DNAAF1: variants seen among roughly 807,000 people sequenced by gnomAD.
DNAAF1 encodes the protein dynein axonemal assembly factor 1, also known as dynein assembly factor 1, axonemal.
In DNAAF1, 65 loss-of-function variants were observed where a neutral mutation model predicts 71.1. That is an observed-to-expected ratio of 0.91 (90% CI 0.75 to 1.12). The LOEUF (loss-of-function observed/expected upper bound fraction) is 1.12, where lower values mean the gene tolerates loss of function less well. DNAAF1 is among the 50% of genes most tolerant of loss of function. The pLI is 0.00. For synonymous variants in DNAAF1, 414 were observed against 354.6 expected, an observed-to-expected ratio of 1.17 and a Z score of -1.88; for missense variants, 1,178 against 899.8, an observed-to-expected ratio of 1.31 and a Z score of -3.96.
At chr16:84,154,472 G>C in intron 3 of DNAAF1, 105 bp from the exon 4 acceptor site, 1 of 971,798 alleles carries the variant, frequency 1.0e-6, no homozygotes, top group Non-Finnish European at 1.6e-6. Context: ...GAATTTTGAA[G>C]GGACACAGAC....
At chr16:84,148,986 C>G (rs2087056722) in intron 1 of DNAAF1, 21 bp from the exon 2 acceptor site, 4 of 1,613,618 alleles carry the variant, frequency 2.5e-6, no homozygotes, top group South Asian at 1.1e-5. Context: ...CTCTACAGAC[C>G]TGATCTCTTT....
At chr16:84,165,697 G>C (rs958838887) in intron 6 of DNAAF1, 86 bp from the exon 7 acceptor site, 16 of 1,344,404 alleles carry the variant, frequency 1.2e-5, no homozygotes, top group Admixed American at 6.7e-5. Flanking sequence ...ACTTTGCTTT[G>C]ATTTTGAAGA....
chr16:84,165,725 A>T lies in DNAAF1; in HGVS notation c.864-58A>T, dbSNP rs572150179. The T allele has an allele frequency of 4.6e-6, 7 of 1,517,462 alleles. No homozygotes were observed. In the East Asian group the frequency reaches 1.6e-4, roughly 34 times the overall value. The allele number at this position is 1,517,462 out of a possible 1,614,324, so 94.0% of individuals were successfully genotyped here. On this transcript the variant is annotated intron_variant, in intron 6 of 11. Coordinates refer to ENST00000378553, the MANE Select transcript of DNAAF1 (RefSeq NM_178452.6). Reference sequence around the variant, plus strand: ...TTTGAAGAAAATGAGCAAGTTGATCAGACAGTGTATGTTTGGAGTTCACCT... The same window carrying T: ...TTTGAAGAAAATGAGCAAGTTGATCTGACAGTGTATGTTTGGAGTTCACCT...
rs755245356 is a variant in DNAAF1 at position 84,175,988 on chromosome 16, C to T, written c.1754C>T (p.Pro585Leu). 6.2e-6 allele frequency: 10 copies of T among 1,614,022 alleles called. No homozygotes were observed. The South Asian group carries it at 6.6e-5, about 11-fold the overall frequency. The change falls in exon 11 of 12, where the codon CCT becomes CTT. Residue 585 changes from proline (P) to leucine (L), a missense_variant. By Grantham distance (98) the Pro-to-Leu change is moderately conservative. Coordinates refer to ENST00000378553, the MANE Select transcript of DNAAF1 (RefSeq NM_178452.6). ...TCGAGCTTGAGTGATGACAGTGACC[C>T]TGAACTGGACTACACGTCACTCCCT... ...VISSLSDDSD[P>L]ELDYTSLPVL...
intron 6 of DNAAF1, among the ~76,000 whole-genome samples, chr16:84,165,287 C>A (rs2087916231): frequency 6.6e-6 from 1 of 151,990 alleles, no homozygotes; most frequent in Non-Finnish European, 1.5e-5. Flanking sequence ...TTTATATTTT[C>A]CAGGTACAAG....
chr16:84,165,273 C>T (rs2151250823), intron 6 of DNAAF1, among the ~76,000 whole-genome samples: 1 of 152,098 alleles, frequency 6.6e-6, no homozygotes, highest in African/African-American at 2.4e-5. Flanking sequence ...AGTTGTGAGG[C>T]TTATTTATAT....
chr16:84,149,958 G>C (rs1442068127), intron 2 of DNAAF1, among the ~76,000 whole-genome samples: 3 of 151,690 alleles, frequency 2.0e-5, no homozygotes. Flanking sequence ...CTGGGAGGCA[G>C]AGTTTGCAGT....
chr16:84,147,074 C>T (rs1023270418), intron 1 of DNAAF1, among the ~76,000 whole-genome samples: 2 of 152,198 alleles, frequency 1.3e-5, no homozygotes, highest in African/African-American at 4.8e-5. Flanking sequence ...AGAGCTTAAC[C>T]TCTCGGAGCC....
At chr16:84,150,849 G>T (rs1322343802) in intron 3 of DNAAF1, among the ~76,000 whole-genome samples, 1 of 152,152 alleles carries the variant, frequency 6.6e-6, no homozygotes, top group East Asian at 1.9e-4. Flanking sequence ...CCTGAACCCA[G>T]TCGATCCAGC....
chr16:84,163,583 G>A (rs1323041028), intron 6 of DNAAF1, among the ~76,000 whole-genome samples: 1 of 151,990 alleles, frequency 6.6e-6, no homozygotes, highest in Non-Finnish European at 1.5e-5. Context: ...GTTTCACCAT[G>A]TTGGCCAGGA....
At chr16:84,169,821 G>A (rs2088228671) in intron 7 of DNAAF1, 38 bp from the exon 8 acceptor site, 2 of 1,612,316 alleles carry the variant, frequency 1.2e-6, no homozygotes, top group Non-Finnish European at 1.7e-6. Context: ...GTCCTCCCAG[G>A]ACACTCCCAC....
At position 84,155,743 on chromosome 16, in the gene DNAAF1, C is replaced by A. The variant is rs139566676; in HGVS notation, c.735C>A (p.Pro245=). 1.2e-6 allele frequency: 2 copies of A among 1,613,976 alleles called. No homozygotes were observed. Among genetic ancestry groups the A allele is most frequent in the Non-Finnish European group, 8.5e-7 (1 of 1,179,996 alleles). The change falls in exon 5 of 12, where the codon CCC becomes CCA. Residue 245 remains proline, a synonymous_variant. Coordinates refer to ENST00000378553, the MANE Select transcript of DNAAF1 (RefSeq NM_178452.6). ...TCCTGAGCATTCTGGAAAGCATGCCCGATTTGGTAAAAAACAAAAACAAAA... is the reference window on the plus strand; with the variant it reads ...TCCTGAGCATTCTGGAAAGCATGCCAGATTTGGTAAAAAACAAAAACAAAA... ...PEILSILESM[P]DLRVLNLMGN... is the part of the protein sequence containing the mutation.
intron 3 of DNAAF1, among the ~76,000 whole-genome samples, chr16:84,153,407 GAAATA>G (rs1464210491): frequency 1.3e-5 from 2 of 152,088 alleles, no homozygotes; most frequent in Admixed American, 1.3e-4. Flanking sequence ...AAAACTTGAA[GAAATA>G]AAATAACCAA....
chr16:84,165,761 T>C (rs1229410581), intron 6 of DNAAF1, 22 bp from the exon 7 acceptor site: 1 of 1,610,120 alleles, frequency 6.2e-7, no homozygotes, highest in South Asian at 1.1e-5. Flanking sequence ...CCCCTATTTA[T>C]GTTTCTTTGT....
chr16:84,155,421 G>T (rs549551707), intron 4 of DNAAF1, among the ~76,000 whole-genome samples, 162 bp from the exon 5 acceptor site: 14 of 152,040 alleles, frequency 9.2e-5, no homozygotes, highest in Non-Finnish European at 1.8e-4. Context: ...TGGATATGGG[G>T]TCTCACTGTG....
chr16:84,176,425 G>A (rs2088663999), intron 11 of DNAAF1, 126 bp downstream of exon 11: 1 of 1,384,598 alleles, frequency 7.2e-7, no homozygotes, highest in Non-Finnish European at 1.0e-6. Context: ...ACCCAGGACA[G>A]ACCACACAGA....
intron 1 of DNAAF1, 29 bp downstream of exon 1, chr16:84,145,593 G>T (rs368976578): frequency 1.9e-6 from 3 of 1,541,238 alleles, no homozygotes; most frequent in Non-Finnish European, 2.6e-6. Context: ...GGAGGGCGGT[G>T]GGCGAGGGGC....
chr16:84,163,178 C>T (rs2087795907), intron 6 of DNAAF1, among the ~76,000 whole-genome samples: 1 of 152,134 alleles, frequency 6.6e-6, no homozygotes, highest in Non-Finnish European at 1.5e-5. Flanking sequence ...CAGCTGTTGT[C>T]TTCTCCTGGG....
At chr16:84,150,130 T>C in intron 2 of DNAAF1, 121 bp from the exon 3 acceptor site, 1 of 720,106 alleles carries the variant, frequency 1.4e-6, no homozygotes, top group Non-Finnish European at 2.5e-6. Flanking sequence ...TTAAAATAGG[T>C]ATCAGGGATA....
Sources: allele counts gnomAD v4.1 joint callset (sites outside exome capture counted in the v4.1 genomes callset), GRCh38; gene constraint gnomAD v4.1.1; transcripts MANE v1.5; gene names NCBI Gene and HGNC (gene_info 2026-07-23, HGNC 2026-07-21).